PDE1C: variants seen among roughly 807,000 people sequenced by gnomAD.
PDE1C encodes phosphodiesterase 1C, also known as dual specificity calcium/calmodulin-dependent 3',5'-cyclic nucleotide phosphodiesterase 1C.
In PDE1C, 62 loss-of-function variants were observed where a neutral mutation model predicts 93.1. The ratio of observed to expected loss-of-function variants is 0.67; its 90% CI spans 0.54 to 0.82. The LOEUF (loss-of-function observed/expected upper bound fraction) is 0.82. Among genes scored for constraint, PDE1C ranks in the 40% least tolerant of loss-of-function variants. The probability of loss-of-function intolerance (pLI) is 0.00; values close to 1 mark genes in which losing one functional copy is unlikely to be tolerated. For missense variants in PDE1C, 742 were observed against 884.6 expected, an observed-to-expected ratio of 0.84 and a Z score of 2.04; for synonymous variants, 325 against 310.1, an observed-to-expected ratio of 1.05 and a Z score of -0.50.
At chr7:31,907,861 G>C (rs1800785320) in intron 2 of PDE1C, among the ~76,000 whole-genome samples, 1 of 151,938 alleles carries the variant, frequency 6.6e-6, no homozygotes, top group South Asian at 2.1e-4. Flanking sequence ...TACCTGGAAA[G>C]AGGTGAAAAT....
chr7:32,169,929 T>C, exon 3 of PDE1C: 1 of 1,612,412 alleles, frequency 6.2e-7, no homozygotes, highest in Non-Finnish European at 8.5e-7. Context: ...GATGAGGGAG[T>C]TCCACAGACA....
chr7:32,271,313 T>C (rs1386174221), intron 1 of PDE1C, among the ~76,000 whole-genome samples: 1 of 152,226 alleles, frequency 6.6e-6, no homozygotes, highest in Non-Finnish European at 1.5e-5. Flanking sequence ...TTTTTTAACT[T>C]CAGCACATAT....
chr7:31,643,717 G>A, the PDE1C span: 224 of 1,613,984 alleles, frequency 1.4e-4, no homozygotes, highest in Middle Eastern at 1.5e-3. Context: ...CACCAAATCC[G>A]TCTCTCTAGA....
chr7:31,808,879 G>A (rs1239015925), intron 16 of PDE1C, 152 bp downstream of exon 16: 2 of 478,408 alleles, frequency 4.2e-6, no homozygotes, highest in African/African-American at 2.0e-5. Context: ...TATTGATAAA[G>A]GGATAATAGT....
chr7:32,028,225 G>A (rs796588303), intron 2 of PDE1C, among the ~76,000 whole-genome samples: 5 of 152,140 alleles, frequency 3.3e-5, no homozygotes, highest in African/African-American at 9.6e-5. Flanking sequence ...ACATTCCAAG[G>A]GCTCAAGAGC....
chr7:32,099,120 TGACAA>T (rs1669682330), intron 3 of PDE1C, among the ~76,000 whole-genome samples: 1 of 152,114 alleles, frequency 6.6e-6, no homozygotes, highest in South Asian at 2.1e-4. Flanking sequence ...TGGTTACTCT[TGACAA>T]TACACAGAAA....
chr7:31,940,939 G>C (rs1400230927), intron 2 of PDE1C, among the ~76,000 whole-genome samples: 2 of 151,866 alleles, frequency 1.3e-5, no homozygotes, highest in Admixed American at 1.3e-4. Flanking sequence ...AACAGACCAA[G>C]TGTACACCTT....
intron 3 of PDE1C, among the ~76,000 whole-genome samples, chr7:32,164,400 T>C (rs1802097401): frequency 6.6e-6 from 1 of 152,188 alleles, no homozygotes; most frequent in Non-Finnish European, 1.5e-5. Flanking sequence ...CACACTCAAA[T>C]TAGTATAACC....
chr7:32,373,897 G>A (rs1784373614), intron 1 of PDE1C, among the ~76,000 whole-genome samples: 1 of 152,064 alleles, frequency 6.6e-6, no homozygotes, highest in African/African-American at 2.4e-5. Flanking sequence ...TGAGGCAGGA[G>A]AATCACTTGA....
chr7:31,625,165 A>G, the PDE1C span, among the ~76,000 whole-genome samples: 18,141 of 152,166 alleles, frequency 0.12, 1,231 homozygotes, highest in Middle Eastern at 0.18. Context: ...ACACTTTTAC[A>G]TTGTTGGTGG....
At chr7:31,933,732 G>T (rs1804647010) in intron 2 of PDE1C, among the ~76,000 whole-genome samples, 1 of 152,198 alleles carries the variant, frequency 6.6e-6, no homozygotes, top group Non-Finnish European at 1.5e-5. Context: ...CTAAGCTCAT[G>T]AGAGATCTGT....
At chr7:31,834,511 C>T (rs1399148158) in intron 11 of PDE1C, among the ~76,000 whole-genome samples, 1 of 152,162 alleles carries the variant, frequency 6.6e-6, no homozygotes, top group African/African-American at 2.4e-5. Flanking sequence ...ATCAGCATGA[C>T]CTGGATGTGA....
intron 2 of PDE1C, among the ~76,000 whole-genome samples, chr7:32,200,207 GTTT>G (rs1053673628): frequency 3.9e-5 from 6 of 152,050 alleles, no homozygotes; most frequent in Non-Finnish European, 8.8e-5. Flanking sequence ...CCTCTTATAG[GTTT>G]TTTGTTTTAT....
chr7:31,656,933 A>G, the PDE1C span, among the ~76,000 whole-genome samples: 1 of 151,452 alleles, frequency 6.6e-6, no homozygotes, highest in East Asian at 1.9e-4. Flanking sequence ...ATGATGAACA[A>G]TGTTTGCTGA....
At chr7:31,673,536 A>G in the PDE1C span, among the ~76,000 whole-genome samples, 1 of 152,052 alleles carries the variant, frequency 6.6e-6, no homozygotes, top group South Asian at 2.1e-4. Context: ...AATTTTTCTC[A>G]TGTGTTTTAA....
At chr7:32,288,536 C>A (rs1271969803) in intron 1 of PDE1C, among the ~76,000 whole-genome samples, 1 of 152,132 alleles carries the variant, frequency 6.6e-6, no homozygotes, top group Non-Finnish European at 1.5e-5. Flanking sequence ...TGTTGGAAAA[C>A]TGGGTTTCTG....
At chr7:31,838,330 T>G (rs1483208073) in intron 9 of PDE1C, among the ~76,000 whole-genome samples, 2 of 152,232 alleles carry the variant, frequency 1.3e-5, no homozygotes, top group Non-Finnish European at 2.9e-5. Context: ...ATCATCCGTA[T>G]TTCACATTGG....
At chr7:32,031,162 T>G (rs2128635704) in intron 2 of PDE1C, among the ~76,000 whole-genome samples, 1 of 152,302 alleles carries the variant, frequency 6.6e-6, no homozygotes, top group East Asian at 1.9e-4. Context: ...CATTTGAACA[T>G]CATTGGTAGT....
Position 31,995,034 on chromosome 7 carries a change from T to C in PDE1C, c.128+56520A>G, listed in dbSNP as rs552528008. ...TGACCATGATAATACTAATTAGAAA[T>C]GTTTTCAGTCTTGTATACCAAACAG... On this transcript the variant is annotated intron_variant, in intron 2 of 17. Transcript: ENST00000396191. 2.6e-5 allele frequency among the ~76,000 whole-genome samples: 4 copies of C among 152,322 alleles called. No individual in the cohort carries two copies. In the East Asian group the frequency reaches 7.7e-4, roughly 29 times the overall value.
Sources: allele counts gnomAD v4.1 joint callset (sites outside exome capture counted in the v4.1 genomes callset), GRCh38; gene constraint gnomAD v4.1.1; transcripts MANE v1.5; gene names NCBI Gene and HGNC (gene_info 2026-07-23, HGNC 2026-07-21).